ARFIP1: variants seen among roughly 807,000 people sequenced by gnomAD.
ARFIP1 encodes the protein arfaptin-1.
Under a neutral mutation model 42.5 loss-of-function variants are expected in ARFIP1, and 24 were observed. The ratio of observed to expected loss-of-function variants is 0.57; its 90% CI spans 0.41 to 0.80. ARFIP1 has a LOEUF of 0.80. Ranked by LOEUF, ARFIP1 falls within the 30% of genes least tolerant of loss-of-function variation. The pLI is 0.00. For synonymous variants in ARFIP1, 141 were observed against 153.7 expected (o/e 0.92, Z 0.61); for missense variants, 354 against 434.0 (o/e 0.82, Z 1.64).
chr4:152,866,220 A>G (rs1389055405), intron 3 of ARFIP1, among the ~76,000 whole-genome samples: 1 of 152,258 alleles, frequency 6.6e-6, no homozygotes, highest in Non-Finnish European at 1.5e-5. Flanking sequence ...CCAAGGCAGA[A>G]GAATTTTTCT....
chr4:152,848,877 A>G (rs747439371), intron 2 of ARFIP1, among the ~76,000 whole-genome samples: 12 of 152,326 alleles, frequency 7.9e-5, no homozygotes, highest in Non-Finnish European at 1.6e-4. Context: ...ATAGGAATGC[A>G]ATATAATGTT....
At position 152,910,309 on chromosome 4, in the gene ARFIP1, G is replaced by GGT; in HGVS notation, c.*92_*93dup. On this transcript the variant is annotated 3_prime_UTR_variant, in exon 9 of 9. Coordinates refer to ENST00000353617, the MANE Select transcript of ARFIP1 (RefSeq NM_001025595.3). ...AAGCAGAGTTGGGGGAAGTGGGAGGGGTGACAAGCATTATAGTGATTCTTG... is the reference window on the plus strand; with the variant it reads ...AAGCAGAGTTGGGGGAAGTGGGAGGGGTGTGACAAGCATTATAGTGATTCTTG... 7.0e-7 allele frequency: 1 copy of GGT among 1,419,442 alleles called. No homozygotes were observed. The highest frequency in any genetic ancestry group is 9.5e-7 in the Non-Finnish European group (1 of 1,049,032). 87.9% of individuals were successfully genotyped at this position (1,419,442 alleles called of 1,614,324 possible). A position where few individuals can be genotyped will look rare whatever the true frequency, so the allele number is the denominator to read the frequency against.
At chr4:152,859,322 A>G (rs767193251) in intron 2 of ARFIP1, among the ~76,000 whole-genome samples, 5 of 152,162 alleles carry the variant, frequency 3.3e-5, no homozygotes, top group African/African-American at 4.8e-5. Context: ...TCAACCTCCC[A>G]AAGTGCTGGG....
chr4:152,898,496 C>A (rs777760183), intron 8 of ARFIP1, among the ~76,000 whole-genome samples: 11 of 151,994 alleles, frequency 7.2e-5, no homozygotes, highest in Non-Finnish European at 1.2e-4. Context: ...TTTAAAAATT[C>A]ACCTTAAGTT....
chr4:152,902,721 A>G (rs1481253021), intron 8 of ARFIP1, among the ~76,000 whole-genome samples: 1 of 152,060 alleles, frequency 6.6e-6, no homozygotes, highest in African/African-American at 2.4e-5. Context: ...AAAGGTAAAG[A>G]CCCTGAAATA....
At chr4:152,894,520 C>A (rs1488674947) in intron 8 of ARFIP1, among the ~76,000 whole-genome samples, 1 of 152,198 alleles carries the variant, frequency 6.6e-6, no homozygotes, top group Non-Finnish European at 1.5e-5. Flanking sequence ...GACTTAATGT[C>A]ACCTTTACTT....
rs551587540 is a variant in ARFIP1, at chr4:152,881,099, C to T, written c.548C>T (p.Ser183Leu). The T allele has an allele frequency of 1.4e-5, 23 of 1,613,726 alleles. No homozygotes were observed. The South Asian group carries it at 1.8e-4, about 12-fold the overall frequency. ...ENILKLAQTLSTQLFQMVHTQ... is the reference protein window; with the variant it reads ...ENILKLAQTLLTQLFQMVHTQ... Reference sequence around the variant, plus strand: ...ATTTTAAAACTGGCTCAAACATTGTCGACCCAGCTTTTCCAGATGGTACAT... The same window carrying T: ...ATTTTAAAACTGGCTCAAACATTGTTGACCCAGCTTTTCCAGATGGTACAT... The change falls in exon 6 of 9, where the codon TCG (serine) becomes TTG (leucine). Residue 183 changes from serine to leucine, a missense_variant. Coordinates refer to ENST00000353617, the MANE Select transcript of ARFIP1 (RefSeq NM_001025595.3).
chr4:152,821,492 A>G (rs1205524679), intron 1 of ARFIP1, among the ~76,000 whole-genome samples: 1 of 152,198 alleles, frequency 6.6e-6, no homozygotes, highest in East Asian at 1.9e-4. Flanking sequence ...GAAATAGGGA[A>G]TTATACAAAA....
At chr4:152,808,302 T>TTTTTTTTTTTTG in intron 1 of ARFIP1, among the ~76,000 whole-genome samples, 1 of 133,124 alleles carries the variant, frequency 7.5e-6, no homozygotes, top group East Asian at 2.1e-4. Context: ...TTTTTTTTTT[T>TTTTTTTTTTTTG]TTTTTTTTTT....
At chr4:152,806,361 C>T (rs1373466298) in intron 1 of ARFIP1, among the ~76,000 whole-genome samples, 1 of 152,108 alleles carries the variant, frequency 6.6e-6, no homozygotes, top group African/African-American at 2.4e-5. Flanking sequence ...TATAGTTCCT[C>T]TTTGTAGGTG....
intron 1 of ARFIP1, among the ~76,000 whole-genome samples, chr4:152,805,472 C>T (rs1728929884): frequency 6.6e-6 from 1 of 152,216 alleles, no homozygotes; most frequent in Admixed American, 6.5e-5. Context: ...CTGCCAATAC[C>T]TGTAGCTCTG....
At chr4:152,816,567 G>C (rs1729903306) in intron 1 of ARFIP1, among the ~76,000 whole-genome samples, 1 of 152,188 alleles carries the variant, frequency 6.6e-6, no homozygotes, top group Non-Finnish European at 1.5e-5. Context: ...GCACAAGTGT[G>C]AACACATATA....
intron 1 of ARFIP1, among the ~76,000 whole-genome samples, chr4:152,789,344 C>T (rs112671177): frequency 0.014 from 2,132 of 152,162 alleles, 27 homozygotes; most frequent in African/African-American, 0.034. Context: ...CACACCTCAG[C>T]CTCCCAAAGT....
intron 1 of ARFIP1, among the ~76,000 whole-genome samples, chr4:152,815,937 G>A (rs1055902575): frequency 9.2e-5 from 14 of 151,616 alleles, no homozygotes; most frequent in African/African-American, 3.4e-4. Context: ...GTAGAGACGG[G>A]GTTTCACCGT....
At chr4:152,847,809 A>G (rs756952679) in intron 2 of ARFIP1, among the ~76,000 whole-genome samples, 1 of 152,212 alleles carries the variant, frequency 6.6e-6, no homozygotes, top group Non-Finnish European at 1.5e-5. Context: ...TTGTGAATTA[A>G]TTTATAGTTG....
At chr4:152,867,077 C>G (rs1483150559) in intron 3 of ARFIP1, among the ~76,000 whole-genome samples, 1 of 150,308 alleles carries the variant, frequency 6.7e-6, no homozygotes, top group African/African-American at 2.5e-5. Flanking sequence ...AGACGCTCCT[C>G]ACTTCCCAGA....
chr4:152,822,254 A>G (rs960025542), intron 1 of ARFIP1, among the ~76,000 whole-genome samples: 4 of 148,558 alleles, frequency 2.7e-5, no homozygotes, highest in African/African-American at 1.0e-4. Context: ...AAGCAAGAGT[A>G]GCCATTATAT....
At chr4:152,866,445 C>T (rs1734350158) in intron 3 of ARFIP1, among the ~76,000 whole-genome samples, 1 of 151,978 alleles carries the variant, frequency 6.6e-6, no homozygotes, top group Non-Finnish European at 1.5e-5. Context: ...GTAGGGGCGG[C>T]CGGGCAGAGG....
At chr4:152,903,553 CAG>C (rs1280727474) in intron 8 of ARFIP1, among the ~76,000 whole-genome samples, 1 of 151,724 alleles carries the variant, frequency 6.6e-6, no homozygotes, top group East Asian at 1.9e-4. Flanking sequence ...CCCTCTATAC[CAG>C]GGAACTGATC....
Sources: gnomAD v4.1 joint callset for allele counts (sites outside exome capture counted in the v4.1 genomes callset) on GRCh38, gnomAD v4.1.1 for gene constraint, MANE v1.5 for transcripts, NCBI Gene and HGNC (gene_info 2026-07-23, HGNC 2026-07-21) for gene names.